The following PCDH19 variants were observed in gnomAD, a reference collection of about 807,000 sequenced individuals.
PCDH19 encodes the protein protocadherin 19.
In PCDH19, 6 loss-of-function variants were observed where a neutral mutation model predicts 46.2. The observed-to-expected ratio is 0.13, with a 90% CI of 0.07 to 0.26. The LOEUF is 0.26. PCDH19 is among the 10% of genes least tolerant of loss of function. The pLI, the probability that PCDH19 is intolerant of heterozygous loss-of-function variation, is 1.00. For missense variants in PCDH19, 740 were observed against 972.3 expected (o/e 0.76, Z 3.18); for synonymous variants, 481 against 415.7 (o/e 1.16, Z -1.91).
Position 100,406,433 on chromosome X carries a change from A to G in PCDH19, c.2147+18T>C, listed in dbSNP as rs376006807. On this transcript the variant is annotated intron_variant, in intron 1 of 5. Transcript: ENST00000373034. Reference sequence around the variant, plus strand: ...ACACCTTATTCATCCAAGACAAAGAAAGAAAACTTGGCTTTACCTGCAGTT... The same window carrying G: ...ACACCTTATTCATCCAAGACAAAGAGAGAAAACTTGGCTTTACCTGCAGTT... 3 of 1,141,678 alleles carry G rather than the reference A, an allele frequency of 2.6e-6. No individual in the cohort carries two copies. In the African/African-American group the frequency reaches 5.4e-5, roughly 20 times the overall value. 94.1% of individuals were successfully genotyped at this position (1,141,678 alleles called of 1,213,427 possible).
intron 3 of PCDH19, among the ~76,000 whole-genome samples, chrX:100,384,372 C>T (rs934807673): frequency 2.7e-5 from 3 of 110,889 alleles, no homozygotes; most frequent in Admixed American, 1.9e-4. Context: ...AAATTAGATA[C>T]TCATTTTCCA....
intron 3 of PCDH19, among the ~76,000 whole-genome samples, chrX:100,378,704 C>G (rs1478609244): frequency 8.9e-6 from 1 of 112,434 alleles, no homozygotes; most frequent in East Asian, 2.8e-4. Context: ...CAGGTTAAGA[C>G]ATCAGAAGGA....
intron 5 of PCDH19, among the ~76,000 whole-genome samples, chrX:100,333,149 GGA>G (rs1925939444): frequency 1.6e-4 from 8 of 50,839 alleles, no homozygotes; most frequent in Non-Finnish European, 3.0e-4. Context: ...AAGGAAGGAA[GGA>G]AGGAAGGAAG....
In PCDH19 at chrX:100,408,044, G is replaced by A. The variant is rs1021487859; in HGVS notation, c.554C>T (p.Ser185Phe). ...TTCCACCACGAGTTCGGCAAAGCGG[G>A]AGCCGTCGCCGCGCGTCTTGATCTC... ...GLEIKTRGDG[S>F]RFAELVVEKS... is the part of the protein sequence containing the mutation. Residue 185 changes from serine (S) to phenylalanine (F), a missense_variant, in exon 1 of 6, where the codon TCC becomes TTC. Physicochemically the swap from Ser to Phe is radical, Grantham distance 155. Coordinates refer to ENST00000373034, the MANE Select transcript of PCDH19 (RefSeq NM_001184880.2). 5.8e-6 allele frequency: 7 copies of A among 1,207,763 alleles called. No homozygotes were observed. The highest frequency in any genetic ancestry group is 7.8e-6 in the Non-Finnish European group (7 of 895,503).
chrX:100,355,157 C>T (rs1284876064), intron 3 of PCDH19, among the ~76,000 whole-genome samples: 1 of 111,843 alleles, frequency 8.9e-6, no homozygotes, highest in Non-Finnish European at 1.9e-5. Context: ...TTCTAGACAG[C>T]TCAGTTTTCC....
intron 4 of PCDH19, among the ~76,000 whole-genome samples, chrX:100,345,935 G>A (rs1926385314): frequency 8.9e-6 from 1 of 111,906 alleles, no homozygotes; most frequent in Non-Finnish European, 1.9e-5. Flanking sequence ...CCTGGTAAAT[G>A]GCTACTCACC....
At chrX:100,398,208 T>A (rs907828348) in intron 3 of PCDH19, among the ~76,000 whole-genome samples, 15 of 112,276 alleles carry the variant, frequency 1.3e-4, no homozygotes, top group African/African-American at 4.5e-4. Flanking sequence ...CAAATTTGTG[T>A]ACGAAACCAC....
chrX:100,348,195 A>T (rs773948632), intron 4 of PCDH19, among the ~76,000 whole-genome samples: 11 of 111,897 alleles, frequency 9.8e-5, no homozygotes, highest in Non-Finnish European at 1.5e-4. Context: ...AATCAGATTC[A>T]GAATTTCCTG....
chrX:100,406,300 G>A lies in PCDH19; in HGVS notation c.2147+151C>T, dbSNP rs1358428586. 1.2e-5 allele frequency: 6 copies of A among 484,893 alleles called. No homozygotes were observed. In the East Asian group the frequency reaches 2.2e-4, roughly 18 times the overall value. The allele number at this position is 484,893 out of a possible 1,213,427, so 40.0% of individuals were successfully genotyped here. On this transcript the variant is annotated intron_variant, in intron 1 of 5. Transcript: ENST00000373034. ...CAGATCAAAAGAATTGATCAACTTG[G>A]ACTGTCACAAACTTTTCACCCTACA...
intron 3 of PCDH19, among the ~76,000 whole-genome samples, chrX:100,372,338 G>A (rs1188893615): frequency 8.9e-6 from 1 of 112,057 alleles, no homozygotes; most frequent in African/African-American, 3.2e-5. Flanking sequence ...AGGGACACCT[G>A]GAGAACCCTA....
At chrX:100,334,746 T>C (rs1284692726) in intron 5 of PCDH19, among the ~76,000 whole-genome samples, 1 of 63,386 alleles carries the variant, frequency 1.6e-5, no homozygotes, top group Non-Finnish European at 3.0e-5. Flanking sequence ...ATAACATATA[T>C]ATAACCAACG....
intron 5 of PCDH19, among the ~76,000 whole-genome samples, chrX:100,331,063 G>A (rs531797438): frequency 2.8e-4 from 31 of 111,583 alleles, no homozygotes; most frequent in African/African-American, 1.6e-4. Flanking sequence ...ACTGCCTTTC[G>A]AATTACCTAT....
chrX:100,317,935 G>A (rs1264096241), intron 5 of PCDH19, among the ~76,000 whole-genome samples: 1 of 112,152 alleles, frequency 8.9e-6, no homozygotes, highest in Non-Finnish European at 1.9e-5. Context: ...AAAAGCAAAG[G>A]CAAACCTTTC....
chrX:100,322,866 T>TATATATATATATATATATA (rs1491391280), intron 5 of PCDH19, among the ~76,000 whole-genome samples: 1 of 36,856 alleles, frequency 2.7e-5, no homozygotes, highest in Admixed American at 2.5e-4. Flanking sequence ...TATATATATA[T>TATATATATATATATATATA]TTTTGCAGCT....
intron 5 of PCDH19, among the ~76,000 whole-genome samples, chrX:100,321,032 G>A (rs1185609434): frequency 9.1e-6 from 1 of 109,995 alleles, no homozygotes; most frequent in Non-Finnish European, 1.9e-5. Flanking sequence ...GAGAACATGT[G>A]ATGTTTGGTT....
intron 3 of PCDH19, among the ~76,000 whole-genome samples, chrX:100,376,476 A>G (rs751625992): frequency 9.0e-5 from 10 of 111,267 alleles, no homozygotes; most frequent in South Asian, 3.7e-4. Flanking sequence ...TTGGGTTTTT[A>G]CTGAATTCCT....
intron 5 of PCDH19, among the ~76,000 whole-genome samples, chrX:100,330,020 C>G (rs950043234): frequency 1.8e-5 from 2 of 112,569 alleles, no homozygotes; most frequent in African/African-American, 6.5e-5. Context: ...GGTTCAGCAT[C>G]AACATTTGAC....
In PCDH19 at chrX:100,322,865, A is replaced by ATTTTT. The variant is rs57520956; in HGVS notation, c.2848+19033_2848+19037dup. On this transcript the variant is annotated intron_variant, in intron 5 of 5. Coordinates refer to ENST00000373034, the MANE Select transcript of PCDH19 (RefSeq NM_001184880.2). ...TATATATATATATATATATATATAT[A>ATTTTT]TTTTTGCAGCTATTGTAAAAGGGGT... Among the ~76,000 whole-genome samples, 114 of 54,411 alleles carry ATTTTT rather than the reference A, an allele frequency of 2.1e-3. 2 individuals are homozygous for ATTTTT. Among genetic ancestry groups the ATTTTT allele is most frequent in the Admixed American group, 4.1e-3 (20 of 4,845 alleles). The allele number at this position is 54,411 out of a possible 115,157, so 47.2% of individuals were successfully genotyped here. A position where few individuals can be genotyped will look rare whatever the true frequency, so the allele number is the denominator to read the frequency against.
rs561159012 is a variant in PCDH19, at chrX:100,294,592, G to A, written c.*1685C>T. ...AAAATAAATCCTCTTTTGCATTCTA[G>A]TGCTCTAACCTCTAGGCCTTCTCTC... On this transcript the variant is annotated 3_prime_UTR_variant, in exon 6 of 6. Transcript: ENST00000373034. 8 of 111,478 alleles carry A rather than the reference G, an allele frequency of 7.2e-5. No individual in the cohort carries two copies. The highest frequency in any genetic ancestry group is 7.6e-4 in the South Asian group (2 of 2,636). 9.2% of individuals were successfully genotyped at this position (111,478 alleles called of 1,213,427 possible).
Sources: gnomAD v4.1 joint callset for allele counts (sites outside exome capture counted in the v4.1 genomes callset) on GRCh38, gnomAD v4.1.1 for gene constraint, MANE v1.5 for transcripts, NCBI Gene and HGNC (gene_info 2026-07-23, HGNC 2026-07-21) for gene names.